MYL4: variants seen among roughly 807,000 people sequenced by gnomAD.
MYL4 encodes the protein myosin light chain 4.
A neutral mutation model predicts 21.6 loss-of-function variants in MYL4; 16 were observed. That is an observed-to-expected ratio of 0.74 (90% CI 0.50 to 1.12). MYL4 has a LOEUF of 1.12. Among genes scored for constraint, MYL4 ranks in the 50% most tolerant of loss-of-function variants. MYL4 has a pLI of 0.00. For missense variants in MYL4, 249 were observed against 252.9 expected, an observed-to-expected ratio of 0.98 and a Z score of 0.11; for synonymous variants, 82 against 95.7, an observed-to-expected ratio of 0.86 and a Z score of 0.83.
At position 47,221,545 on chromosome 17, in the gene MYL4, T is replaced by C. The variant is rs889415335; in HGVS notation, c.314-137T>C. ...GCTCTGTGTCCTCTAGGAGCACTAA[T>C]GGGTGTACCACCCAGAATTGGCTGC... On this transcript the variant is annotated intron_variant, in intron 3 of 6. Coordinates refer to ENST00000393450, the MANE Select transcript of MYL4 (RefSeq NM_002476.2). 12 of 926,902 alleles carry C rather than the reference T, an allele frequency of 1.3e-5. No individual in the cohort carries two copies. The African/African-American group carries it at 1.8e-4, about 14-fold the overall frequency. The allele number at this position is 926,902 out of a possible 1,614,324, so 57.4% of individuals were successfully genotyped here.
At chr17:47,194,776 T>G in the MYL4 span, among the ~76,000 whole-genome samples, 1 of 152,220 alleles carries the variant, frequency 6.6e-6, no homozygotes, top group Non-Finnish European at 1.5e-5. Context: ...TTTTTTTTTT[T>G]GAGACAGGGT....
At chr17:47,206,759 G>T (rs952432512), upstream of MYL4, among the ~76,000 whole-genome samples, 2 of 152,176 alleles carry the variant, frequency 1.3e-5, no homozygotes, top group Admixed American at 6.5e-5. Flanking sequence ...GCAAGCTGAG[G>T]CCCAGAGAGA....
At chr17:47,215,315 C>T (rs900799504) in intron 2 of MYL4, among the ~76,000 whole-genome samples, 21 of 152,174 alleles carry the variant, frequency 1.4e-4, no homozygotes, top group African/African-American at 5.1e-4. Context: ...TCCCAAATGG[C>T]CAACTGGAAC....
At chr17:47,203,362 G>A (rs1397142732) in intron 1 of MYL4, among the ~76,000 whole-genome samples, 1 of 151,690 alleles carries the variant, frequency 6.6e-6, no homozygotes, top group East Asian at 1.9e-4. Flanking sequence ...TTTCTTCTGG[G>A]AGATAGTCTT....
chr17:47,220,175 C>G, intron 3 of MYL4, 122 bp downstream of exon 3: 1 of 1,221,794 alleles, frequency 8.2e-7, no homozygotes, highest in Non-Finnish European at 1.1e-6. Flanking sequence ...CCCTCAGGAC[C>G]AGCCTCACCT....
intron 2 of MYL4, among the ~76,000 whole-genome samples, chr17:47,216,787 C>T (rs903927009): frequency 1.3e-5 from 2 of 151,906 alleles, no homozygotes; most frequent in South Asian, 2.1e-4. Flanking sequence ...CTCCGCCTCC[C>T]GGGTTCAAGC....
At chr17:47,206,340 AAAAAGGAAAAGAAG>A (rs1455920861), upstream of MYL4, among the ~76,000 whole-genome samples, 1 of 152,142 alleles carries the variant, frequency 6.6e-6, no homozygotes, top group Non-Finnish European at 1.5e-5. Flanking sequence ...GGGTGGGGGA[AAAAAGGAAAAGAAG>A]AAAAGGAAAG....
the MYL4 span, among the ~76,000 whole-genome samples, chr17:47,192,120 C>G: frequency 2.6e-5 from 4 of 152,116 alleles, no homozygotes; most frequent in African/African-American, 9.7e-5. Context: ...TTTGGGAGGC[C>G]AATGCAGACG....
chr17:47,217,458 C>CA (rs76216506), intron 2 of MYL4, among the ~76,000 whole-genome samples: 156 of 133,378 alleles, frequency 1.2e-3, no homozygotes, highest in African/African-American at 2.5e-3. Context: ...ACTTTGTCTC[C>CA]AAAAAAAAAA....
chr17:47,226,088 A>G (rs2064884702), downstream of MYL4, among the ~76,000 whole-genome samples: 1 of 151,988 alleles, frequency 6.6e-6, no homozygotes, highest in African/African-American at 2.4e-5. Flanking sequence ...CTTGTGAGGA[A>G]CTGGAGTTAA....
chr17:47,221,740 C>G lies in MYL4; in HGVS notation c.372C>G (p.Ser124=). Residue 124 remains serine, a synonymous_variant, in exon 4 of 7, where the codon TCC becomes TCG. Coordinates refer to ENST00000393450, the MANE Select transcript of MYL4 (RefSeq NM_002476.2). ...TCTTGCCCATCCTGCAGCACATTTC[C>G]CGCAACAAGGAGCAGGGCACCTATG... ...ETFLPILQHI[S]RNKEQGTYED... 6.2e-7 allele frequency: 1 copy of G among 1,614,160 alleles called. No homozygotes were observed. Among genetic ancestry groups the G allele is most frequent in the Non-Finnish European group, 8.5e-7 (1 of 1,180,006 alleles).
Position 47,223,065 on chromosome 17 carries a change from C to T in MYL4, c.*15+8C>T. ...TGAAGCAGAGTCTTCCAGGTGAGTG[C>T]AGCCTCTCCCTCCTGGTCCCTTCCG... On this transcript the variant is annotated splice_region_variant and intron_variant, in intron 6 of 6. Coordinates refer to ENST00000393450, the MANE Select transcript of MYL4 (RefSeq NM_002476.2). 4 of 1,614,074 alleles carry T rather than the reference C, an allele frequency of 2.5e-6. No individual in the cohort carries two copies. The highest frequency in any genetic ancestry group is 2.5e-6 in the Non-Finnish European group (3 of 1,179,942).
intron 2 of MYL4, among the ~76,000 whole-genome samples, chr17:47,216,356 T>C (rs2064814561): frequency 6.6e-6 from 1 of 152,014 alleles, no homozygotes; most frequent in African/African-American, 2.4e-5. Flanking sequence ...GTGTTTGATT[T>C]TTTTATGTGC....
chr17:47,207,834 A>G (rs1450105812), upstream of MYL4, among the ~76,000 whole-genome samples: 1 of 152,220 alleles, frequency 6.6e-6, no homozygotes. Flanking sequence ...TGAAAAAAGT[A>G]AAAAACTGCA....
intron 3 of MYL4, among the ~76,000 whole-genome samples, chr17:47,220,440 T>C (rs533543810): frequency 2.0e-5 from 3 of 152,360 alleles, no homozygotes; most frequent in South Asian, 2.1e-4. Flanking sequence ...TATCCTGTGG[T>C]GGCCATCGCG....
chr17:47,204,079 A>G (rs1355156323), upstream of MYL4, among the ~76,000 whole-genome samples: 2 of 152,222 alleles, frequency 1.3e-5, no homozygotes, highest in Non-Finnish European at 2.9e-5. Flanking sequence ...GATCACAAGC[A>G]CAGTGCATCT....
chr17:47,213,948 C>A, intron 2 of MYL4, 122 bp downstream of exon 2: 2 of 1,176,394 alleles, frequency 1.7e-6, no homozygotes, highest in South Asian at 1.2e-5. Context: ...ATCATCATAG[C>A]AAACCTATAT....
chr17:47,195,602 G>A (rs565830415), upstream of MYL4, among the ~76,000 whole-genome samples: 102 of 152,160 alleles, frequency 6.7e-4, no homozygotes, highest in Non-Finnish European at 1.1e-3. Flanking sequence ...CAGGTGATCC[G>A]CCTGCCATGG....
chr17:47,216,958 T>C (rs373121633), intron 2 of MYL4, among the ~76,000 whole-genome samples: 8 of 152,322 alleles, frequency 5.3e-5, no homozygotes, highest in African/African-American at 1.9e-4. Flanking sequence ...CCTCCCAAAG[T>C]ACTGGGATTA....
Sources: allele counts gnomAD v4.1 joint callset (sites outside exome capture counted in the v4.1 genomes callset), GRCh38; gene constraint gnomAD v4.1.1; transcripts MANE v1.5; gene names NCBI Gene and HGNC (gene_info 2026-07-23, HGNC 2026-07-21).